Variants in GPC5 observed in about 807,000 individuals in gnomAD.
The protein encoded by GPC5 is glypican 5, also known as glypican-5.
GPC5 carries 47 observed loss-of-function variants against 53.9 expected under a neutral mutation model. The ratio of observed to expected loss-of-function variants is 0.87; its 90% CI spans 0.69 to 1.11. The LOEUF (loss-of-function observed/expected upper bound fraction) is 1.11, where lower values mean the gene tolerates loss of function less well. Among genes scored for constraint, GPC5 ranks in the 50% most tolerant of loss-of-function variants. The pLI, the probability that GPC5 is intolerant of heterozygous loss-of-function variation, is 0.00. For synonymous variants in GPC5, 286 were observed against 263.3 expected, an observed-to-expected ratio of 1.09 and a Z score of -0.84; for missense variants, 748 against 713.1, an observed-to-expected ratio of 1.05 and a Z score of -0.56.
At chr13:92,275,268 T>C (rs1199238563) in intron 7 of GPC5, among the ~76,000 whole-genome samples, 6 of 152,172 alleles carry the variant, frequency 3.9e-5, no homozygotes, top group Admixed American at 3.9e-4. Flanking sequence ...TTTTTTCTAA[T>C]ATTTTGAAAT....
chr13:91,725,448 G>T (rs772912596), intron 3 of GPC5, among the ~76,000 whole-genome samples: 1 of 152,096 alleles, frequency 6.6e-6, no homozygotes, highest in Admixed American at 6.5e-5. Context: ...GAGGTGACAG[G>T]GTAGTGTCCT....
At chr13:91,774,426 A>C (rs1463540923) in intron 5 of GPC5, among the ~76,000 whole-genome samples, 1 of 152,200 alleles carries the variant, frequency 6.6e-6, no homozygotes, top group Non-Finnish European at 1.5e-5. Context: ...TACCACATTA[A>C]AAATACATAG....
At position 92,469,348 on chromosome 13, in the gene GPC5, T is replaced by A. The variant is rs151014695; in HGVS notation, c.1561+324359T>A. ...TCAACCTCCCAAGTATCTAAATTTC[T>A]ATACCATTTTTAATATCATTATTAG... On this transcript the variant is annotated intron_variant, in intron 7 of 7. Coordinates refer to ENST00000377067, the MANE Select transcript of GPC5 (RefSeq NM_004466.6). Among the ~76,000 whole-genome samples, 720 of 152,176 alleles carry A rather than the reference T, an allele frequency of 4.7e-3. 4 individuals carry two copies. Among genetic ancestry groups the A allele is most frequent in the Admixed American group, 7.7e-3 (118 of 15,266 alleles).
intron 5 of GPC5, among the ~76,000 whole-genome samples, chr13:91,828,439 TCTA>T (rs1372269350): frequency 2.0e-5 from 3 of 151,954 alleles, no homozygotes; most frequent in African/African-American, 7.2e-5. Flanking sequence ...ACTTCCTTGT[TCTA>T]CTCGTTAAGA....
chr13:91,603,217 C>G (rs1453023829), intron 2 of GPC5, among the ~76,000 whole-genome samples: 1 of 152,180 alleles, frequency 6.6e-6, no homozygotes, highest in African/African-American at 2.4e-5. Flanking sequence ...TCATCCAGAC[C>G]ACCTGGCAGG....
chr13:92,276,757 A>G (rs967816408), intron 7 of GPC5, among the ~76,000 whole-genome samples: 2 of 152,140 alleles, frequency 1.3e-5, no homozygotes, highest in South Asian at 2.1e-4. Context: ...CTAAGATGCA[A>G]TGATCCAATA....
At chr13:92,543,487 C>G (rs530088048) in intron 7 of GPC5, among the ~76,000 whole-genome samples, 2 of 151,838 alleles carry the variant, frequency 1.3e-5, no homozygotes, top group African/African-American at 4.8e-5. Flanking sequence ...ATCCAAGGTA[C>G]TAGTTTCTCA....
At chr13:92,239,264 G>A (rs1487557857) in intron 7 of GPC5, among the ~76,000 whole-genome samples, 3 of 151,222 alleles carry the variant, frequency 2.0e-5, no homozygotes, top group Non-Finnish European at 3.0e-5. Context: ...CTTTTTAATA[G>A]GATTTTTACT....
At chr13:92,559,736 C>A (rs1882633435) in intron 7 of GPC5, among the ~76,000 whole-genome samples, 1 of 151,650 alleles carries the variant, frequency 6.6e-6, no homozygotes, top group South Asian at 2.1e-4. Flanking sequence ...CCTAAACTTT[C>A]CCCTTGCTTT....
chr13:92,212,892 C>T (rs1044113439), intron 7 of GPC5, among the ~76,000 whole-genome samples: 2 of 152,132 alleles, frequency 1.3e-5, no homozygotes, highest in African/African-American at 4.8e-5. Flanking sequence ...TTAAACATTG[C>T]ATGTATCATC....
chr13:91,839,101 C>G (rs2038755408), intron 5 of GPC5, among the ~76,000 whole-genome samples: 1 of 152,100 alleles, frequency 6.6e-6, no homozygotes, highest in African/African-American at 2.4e-5. Context: ...ATATCTAACT[C>G]ACATTTTTTG....
chr13:92,732,608 AAAAC>A (rs1308521504), intron 7 of GPC5, among the ~76,000 whole-genome samples: 3 of 151,706 alleles, frequency 2.0e-5, no homozygotes, highest in Non-Finnish European at 4.4e-5. Flanking sequence ...CAAATGAAAG[AAAAC>A]AAACAAGAAG....
intron 7 of GPC5, among the ~76,000 whole-genome samples, chr13:92,162,113 A>C (rs1420042360): frequency 6.8e-6 from 1 of 147,406 alleles, no homozygotes; most frequent in Non-Finnish European, 1.5e-5. Flanking sequence ...ATTCTATGGA[A>C]TCCTGTTTTT....
At chr13:91,707,446 G>A (rs930715565) in intron 3 of GPC5, among the ~76,000 whole-genome samples, 6 of 151,916 alleles carry the variant, frequency 3.9e-5, no homozygotes, top group African/African-American at 1.5e-4. Flanking sequence ...AACATAGCGA[G>A]ACACCATCTC....
intron 2 of GPC5, among the ~76,000 whole-genome samples, chr13:91,520,732 G>GTA (rs1386075630): frequency 1.3e-5 from 2 of 149,670 alleles, no homozygotes; most frequent in African/African-American, 5.1e-5. Context: ...GTGTGTGTGT[G>GTA]TGTATATATA....
intron 2 of GPC5, among the ~76,000 whole-genome samples, chr13:91,637,989 T>A (rs2034325153): frequency 1.3e-5 from 2 of 152,164 alleles, no homozygotes; most frequent in South Asian, 4.1e-4. Context: ...GTCTTATGCC[T>A]GAATAGAGGA....
chr13:91,675,948 G>A (rs1015468508), intron 2 of GPC5, among the ~76,000 whole-genome samples: 2 of 152,152 alleles, frequency 1.3e-5, no homozygotes, highest in Non-Finnish European at 2.9e-5. Flanking sequence ...TCAGGGTCAG[G>A]TTTTCTAATA....
At chr13:92,798,632 T>A (rs1876790320) in intron 7 of GPC5, among the ~76,000 whole-genome samples, 1 of 151,878 alleles carries the variant, frequency 6.6e-6, no homozygotes, top group South Asian at 2.1e-4. Flanking sequence ...CTGTTTCTAA[T>A]TTAATGTGTG....
intron 5 of GPC5, among the ~76,000 whole-genome samples, chr13:91,803,016 C>A (rs1164858172): frequency 6.6e-6 from 1 of 151,986 alleles, no homozygotes; most frequent in Non-Finnish European, 1.5e-5. Context: ...TTTTTTGCTT[C>A]TTTCTTACCA....
Sources: gnomAD v4.1 joint callset for allele counts (sites outside exome capture counted in the v4.1 genomes callset) on GRCh38, gnomAD v4.1.1 for gene constraint, MANE v1.5 for transcripts, NCBI Gene and HGNC (gene_info 2026-07-23, HGNC 2026-07-21) for gene names.